SLC1A2: variants seen among roughly 807,000 people sequenced by gnomAD.
SLC1A2 encodes excitatory amino acid transporter 2.
Under a neutral mutation model 48.8 loss-of-function variants are expected in SLC1A2, and 15 were observed. The ratio of observed to expected loss-of-function variants is 0.31; its 90% CI spans 0.21 to 0.47. The LOEUF is 0.47. Among genes scored for constraint, SLC1A2 ranks in the 20% least tolerant of loss-of-function variants. SLC1A2 has a pLI of 0.99. For missense variants in SLC1A2, 502 were observed against 730.5 expected, an observed-to-expected ratio of 0.69 and a Z score of 3.61; for synonymous variants, 279 against 272.6, an observed-to-expected ratio of 1.02 and a Z score of -0.23.
chr11:35,343,381 G>T (rs993591980), intron 1 of SLC1A2, among the ~76,000 whole-genome samples: 1 of 152,206 alleles, frequency 6.6e-6, no homozygotes, highest in African/African-American at 2.4e-5. Flanking sequence ...CATATTTGGT[G>T]TAAAAATGGG....
intron 1 of SLC1A2, among the ~76,000 whole-genome samples, chr11:35,367,254 T>C (rs901048552): frequency 6.6e-6 from 1 of 152,240 alleles, no homozygotes; most frequent in Non-Finnish European, 1.5e-5. Context: ...GGTTTTACCA[T>C]GGGCCAGTTC....
At position 35,294,161 on chromosome 11, in the gene SLC1A2, A is replaced by T. The variant is rs557910089; in HGVS notation, c.858-1641T>A. Among the ~76,000 whole-genome samples the T allele has an allele frequency of 1.2e-4, 18 of 152,308 alleles. 2 individuals are homozygous for T. In the South Asian group the frequency reaches 3.7e-3, roughly 32 times the overall value. On this transcript the variant is annotated intron_variant, in intron 6 of 10. Coordinates refer to ENST00000278379, the MANE Select transcript of SLC1A2 (RefSeq NM_004171.4). ...TTAGTGATGCTTTCTAGAACATCTC[A>T]TGGGATACCCAATTGCAAGATGATT...
intron 7 of SLC1A2, among the ~76,000 whole-genome samples, chr11:35,289,742 T>C (rs1434294247): frequency 3.9e-5 from 6 of 152,224 alleles, no homozygotes; most frequent in Admixed American, 3.9e-4. Flanking sequence ...ATCTAAATTC[T>C]AAATTCTAAA....
chr11:35,314,958 A>G, intron 3 of SLC1A2, 65 bp downstream of exon 3: 10 of 1,155,852 alleles, frequency 8.7e-6, no homozygotes, highest in Middle Eastern at 2.0e-4. Context: ...GAGATTCTAC[A>G]GTTAATTAAA....
At chr11:35,342,823 A>G (rs1027312007) in intron 1 of SLC1A2, among the ~76,000 whole-genome samples, 6 of 152,206 alleles carry the variant, frequency 3.9e-5, no homozygotes, top group African/African-American at 1.4e-4. Flanking sequence ...ATGAAATTTT[A>G]TAAGATTAGA....
At chr11:35,391,636 T>TG (rs1387228385) in intron 1 of SLC1A2, 1 of 152,226 alleles carries the variant, frequency 6.6e-6, no homozygotes, top group Non-Finnish European at 1.5e-5. Context: ...CAGGTTTGGT[T>TG]GGGGAAGAAG....
intron 1 of SLC1A2, among the ~76,000 whole-genome samples, chr11:35,329,755 C>T (rs1039701713): frequency 2.0e-5 from 3 of 152,284 alleles, no homozygotes; most frequent in South Asian, 4.1e-4. Context: ...CTAACCATCC[C>T]GCCGTTGGAT....
intron 1 of SLC1A2, among the ~76,000 whole-genome samples, chr11:35,334,710 C>T (rs1017582792): frequency 6.6e-6 from 1 of 151,588 alleles, no homozygotes; most frequent in Non-Finnish European, 1.5e-5. Flanking sequence ...TGCTCAAATG[C>T]TGAGACATGA....
At chr11:35,294,981 C>T (rs1468526765) in intron 6 of SLC1A2, among the ~76,000 whole-genome samples, 3 of 152,124 alleles carry the variant, frequency 2.0e-5, no homozygotes, top group Non-Finnish European at 2.9e-5. Flanking sequence ...AAGGTAAGAA[C>T]GTTTGTTCTA....
At chr11:35,300,475 A>G (rs1018018898) in intron 6 of SLC1A2, among the ~76,000 whole-genome samples, 1 of 152,208 alleles carries the variant, frequency 6.6e-6, no homozygotes, top group African/African-American at 2.4e-5. Flanking sequence ...TAGTGCTCTT[A>G]ATAAAAGATG....
At chr11:35,368,692 C>A (rs1853944471) in intron 1 of SLC1A2, among the ~76,000 whole-genome samples, 2 of 152,204 alleles carry the variant, frequency 1.3e-5, no homozygotes, top group South Asian at 4.1e-4. Context: ...CCTAGCTCTG[C>A]AGGCTTGCTT....
intron 1 of SLC1A2, among the ~76,000 whole-genome samples, chr11:35,414,629 G>T (rs947367074): frequency 6.6e-6 from 1 of 152,164 alleles, no homozygotes; most frequent in African/African-American, 2.4e-5. Context: ...GAAGCATCCT[G>T]CCTGGCCCCC....
chr11:35,398,393 A>C (rs1855037466), intron 1 of SLC1A2, among the ~76,000 whole-genome samples: 1 of 152,206 alleles, frequency 6.6e-6, no homozygotes, highest in African/African-American at 2.4e-5. Context: ...CATTATCCTA[A>C]GCAACTTTAG....
chr11:35,276,281 C>T (rs1056266179), intron 9 of SLC1A2, among the ~76,000 whole-genome samples: 1 of 152,054 alleles, frequency 6.6e-6, no homozygotes, highest in Non-Finnish European at 1.5e-5. Context: ...AGGGCTCCTG[C>T]CTCTTAGACT....
rs571294205 is a variant in SLC1A2 at position 35,382,683 on chromosome 11, C to A, written c.17+36267G>T. On this transcript the variant is annotated intron_variant, in intron 1 of 10. Transcript: ENST00000278379. ...TGGTGGCAGGTGCCTGTAGCCCCAG[C>A]TACATGGGAGGCTGAGGCAGGAGAA... Among the ~76,000 whole-genome samples, 37 of 152,198 alleles carry A rather than the reference C, an allele frequency of 2.4e-4. No individual in the cohort carries two copies. The South Asian group carries it at 6.6e-3, about 27-fold the overall frequency.
At chr11:35,363,693 AAG>A (rs1383312097) in intron 1 of SLC1A2, among the ~76,000 whole-genome samples, 1 of 152,128 alleles carries the variant, frequency 6.6e-6, no homozygotes, top group Non-Finnish European at 1.5e-5. Flanking sequence ...TGATGAGGCA[AAG>A]AGAGAGAAAA....
chr11:35,325,662 G>A (rs147802288), intron 1 of SLC1A2, among the ~76,000 whole-genome samples: 5 of 152,240 alleles, frequency 3.3e-5, no homozygotes, highest in Middle Eastern at 3.4e-3. Context: ...GGGAAGTCAC[G>A]TCCTGTAAAA....
chr11:35,276,538 A>T (rs927293547), intron 9 of SLC1A2, among the ~76,000 whole-genome samples: 1 of 152,076 alleles, frequency 6.6e-6, no homozygotes, highest in Non-Finnish European at 1.5e-5. Flanking sequence ...TTGCAAGTGT[A>T]AGCATGTGAG....
At chr11:35,358,638 A>G (rs1254523657) in intron 1 of SLC1A2, among the ~76,000 whole-genome samples, 1 of 152,082 alleles carries the variant, frequency 6.6e-6, no homozygotes, top group Non-Finnish European at 1.5e-5. Context: ...TGACTTCTTT[A>G]TTTTATTTTT....
Sources: allele counts gnomAD v4.1 joint callset (sites outside exome capture counted in the v4.1 genomes callset), GRCh38; gene constraint gnomAD v4.1.1; transcripts MANE v1.5; gene names NCBI Gene and HGNC (gene_info 2026-07-23, HGNC 2026-07-21).